XPR1: variants seen among roughly 807,000 people sequenced by gnomAD.
The protein encoded by XPR1 is solute carrier family 53 member 1.
A neutral mutation model predicts 87.5 loss-of-function variants in XPR1; 28 were observed. That is an observed-to-expected ratio of 0.32 (90% CI 0.24 to 0.44). The LOEUF (loss-of-function observed/expected upper bound fraction) is 0.44. XPR1 is among the 20% of genes least tolerant of loss of function. The pLI, the probability that XPR1 is intolerant of heterozygous loss-of-function variation, is 1.00. For missense variants in XPR1, 559 were observed against 862.3 expected, an observed-to-expected ratio of 0.65 and a Z score of 4.41; for synonymous variants, 300 against 306.1, an observed-to-expected ratio of 0.98 and a Z score of 0.21.
At chr1:180,698,911 A>T (rs992951711) in intron 2 of XPR1, among the ~76,000 whole-genome samples, 1 of 150,800 alleles carries the variant, frequency 6.6e-6, no homozygotes, top group South Asian at 2.1e-4. Flanking sequence ...ACGTGACTTG[A>T]CAATTTTCTC....
At chr1:180,656,397 A>ATT (rs1171856264) in intron 1 of XPR1, among the ~76,000 whole-genome samples, 12 of 51,874 alleles carry the variant, frequency 2.3e-4, no homozygotes, top group Admixed American at 6.7e-4. Context: ...GTATTTATAT[A>ATT]TAAATATTTA....
chr1:180,647,623 G>A (rs1386644577), intron 1 of XPR1, among the ~76,000 whole-genome samples: 1 of 152,142 alleles, frequency 6.6e-6, no homozygotes, highest in Admixed American at 6.5e-5. Flanking sequence ...GCCAGGCTGG[G>A]CATCGTGGCT....
chr1:180,795,979 T>C (rs947045477), intron 3 of XPR1, among the ~76,000 whole-genome samples: 1 of 152,106 alleles, frequency 6.6e-6, no homozygotes. Flanking sequence ...GCTAATTTTT[T>C]TGTATTTTTA....
intron 2 of XPR1, among the ~76,000 whole-genome samples, chr1:180,734,779 C>A (rs931215686): frequency 2.0e-5 from 3 of 152,044 alleles, no homozygotes; most frequent in Non-Finnish European, 2.9e-5. Flanking sequence ...AGATTGGTAT[C>A]TTGGAAACGA....
chr1:180,885,143 G>T lies in XPR1; in HGVS notation c.*1077G>T, dbSNP rs1189544247. 1 of 152,532 alleles carries T rather than the reference G, an allele frequency of 6.6e-6. No individual in the cohort carries two copies. Among genetic ancestry groups the T allele is most frequent in the East Asian group, 1.9e-4 (1 of 5,200 alleles). 9.4% of individuals were successfully genotyped at this position (152,532 alleles called of 1,614,324 possible). On this transcript the variant is annotated 3_prime_UTR_variant, in exon 15 of 15. Coordinates refer to ENST00000367590, the MANE Select transcript of XPR1 (RefSeq NM_004736.4). ...ATCAGAAGACAGAGCTATTTCAGAG[G>T]CTCTGTGTGCCCTCACTAGATAGTT...
At chr1:180,681,257 A>T (rs557660209) in intron 1 of XPR1, among the ~76,000 whole-genome samples, 2 of 152,330 alleles carry the variant, frequency 1.3e-5, no homozygotes, top group South Asian at 4.1e-4. Flanking sequence ...GATGATGGAT[A>T]TCCTAATTAC....
intron 11 of XPR1, among the ~76,000 whole-genome samples, chr1:180,840,274 G>C (rs1278430088): frequency 6.7e-6 from 1 of 149,800 alleles, no homozygotes; most frequent in Non-Finnish European, 1.5e-5. Flanking sequence ...CCTCTTCCTA[G>C]TATGGGAGTG....
At chr1:180,707,513 G>C (rs1345601490) in intron 2 of XPR1, among the ~76,000 whole-genome samples, 1 of 152,206 alleles carries the variant, frequency 6.6e-6, no homozygotes, top group African/African-American at 2.4e-5. Flanking sequence ...CTTTGGACTT[G>C]AGAGATTCTA....
In XPR1 at chr1:180,824,480, C is replaced by T. The variant is rs141035525; in HGVS notation, c.764-273C>T. ...CCTGTAATCCCAGTTACTCGGGAGA[C>T]TGAGGCAGGAGAATCGCTTGAACCA... On this transcript the variant is annotated intron_variant, in intron 7 of 14. Coordinates refer to ENST00000367590, the MANE Select transcript of XPR1 (RefSeq NM_004736.4). Among the ~76,000 whole-genome samples, 1,230 of 152,168 alleles carry T rather than the reference C, an allele frequency of 8.1e-3. 13 individuals are homozygous for T. Among genetic ancestry groups the T allele is most frequent in the African/African-American group, 0.027 (1,124 of 41,504 alleles).
chr1:180,855,177 G>T (rs7513630), intron 11 of XPR1, among the ~76,000 whole-genome samples: 2,550 of 152,036 alleles, frequency 0.017, 79 homozygotes, highest in African/African-American at 0.056. Context: ...TTTTCACAAT[G>T]CTAGATAGAA....
At chr1:180,805,280 C>T (rs1048994773) in intron 4 of XPR1, among the ~76,000 whole-genome samples, 2 of 152,112 alleles carry the variant, frequency 1.3e-5, no homozygotes, top group African/African-American at 4.8e-5. Context: ...CTGTTGGGGA[C>T]ATGTAATCAG....
intron 2 of XPR1, among the ~76,000 whole-genome samples, chr1:180,692,260 T>A (rs75830089): frequency 9.6e-4 from 146 of 152,106 alleles, no homozygotes; most frequent in African/African-American, 3.2e-3. Flanking sequence ...ATGAGAAGAC[T>A]ATACAAGGGA....
intron 2 of XPR1, among the ~76,000 whole-genome samples, chr1:180,761,822 G>T (rs953890809): frequency 6.6e-6 from 1 of 152,102 alleles, no homozygotes; most frequent in East Asian, 1.9e-4. Context: ...ACATGCACAC[G>T]TATGTTTATA....
chr1:180,690,117 C>T (rs977654977), intron 2 of XPR1, among the ~76,000 whole-genome samples: 1 of 150,784 alleles, frequency 6.6e-6, no homozygotes, highest in Non-Finnish European at 1.5e-5. Flanking sequence ...GATTGTGCCA[C>T]TGCTCTCTGG....
chr1:180,822,014 A>G (rs1318318522), intron 7 of XPR1, among the ~76,000 whole-genome samples: 2 of 152,174 alleles, frequency 1.3e-5, no homozygotes, highest in Non-Finnish European at 2.9e-5. Flanking sequence ...ATGTAAAACT[A>G]TATATCATTT....
At chr1:180,816,725 A>G (rs1558022579) in intron 7 of XPR1, among the ~76,000 whole-genome samples, 1 of 152,212 alleles carries the variant, frequency 6.6e-6, no homozygotes, top group East Asian at 1.9e-4. Flanking sequence ...GTATAAACAA[A>G]CATATTGCAC....
chr1:180,708,162 CT>C (rs1334959730), intron 2 of XPR1, among the ~76,000 whole-genome samples: 2 of 152,180 alleles, frequency 1.3e-5, no homozygotes, highest in Admixed American at 1.3e-4. Flanking sequence ...AATTGAACAT[CT>C]ATTACAAATA....
intron 2 of XPR1, among the ~76,000 whole-genome samples, chr1:180,702,955 G>T (rs1387201605): frequency 6.6e-6 from 1 of 152,084 alleles, no homozygotes; most frequent in Non-Finnish European, 1.5e-5. Flanking sequence ...ACTTTTTCCT[G>T]TAGGCATAAC....
At chr1:180,807,805 G>C (rs562920099) in intron 6 of XPR1, among the ~76,000 whole-genome samples, 1 of 152,158 alleles carries the variant, frequency 6.6e-6, no homozygotes, top group Non-Finnish European at 1.5e-5. Flanking sequence ...AGGAGTTCAA[G>C]ACCAGCCTGG....
Sources: gnomAD v4.1 joint callset for allele counts (sites outside exome capture counted in the v4.1 genomes callset) on GRCh38, gnomAD v4.1.1 for gene constraint, MANE v1.5 for transcripts, NCBI Gene and HGNC (gene_info 2026-07-23, HGNC 2026-07-21) for gene names.